VPS13C: variants seen among roughly 807,000 people sequenced by gnomAD.
VPS13C encodes the protein intermembrane lipid transfer protein VPS13C.
VPS13C carries 358 observed loss-of-function variants against 456.8 expected under a neutral mutation model. That is an observed-to-expected ratio of 0.78 (90% CI 0.72 to 0.86). The LOEUF (loss-of-function observed/expected upper bound fraction) is 0.86. Ranked by LOEUF, VPS13C falls within the 40% of genes least tolerant of loss-of-function variation. The pLI is 0.00. For synonymous variants in VPS13C, 1,578 were observed against 1,486.7 expected (o/e 1.06, Z -1.41); for missense variants, 4,818 against 4,385.4 (o/e 1.10, Z -2.79).
chr15:61,967,872 T>C (rs1447054733), intron 28 of VPS13C, among the ~76,000 whole-genome samples: 1 of 152,018 alleles, frequency 6.6e-6, no homozygotes, highest in African/African-American at 2.4e-5. Context: ...ATGTCCTTTA[T>C]ATCCTGAGGT....
At chr15:61,956,281 C>T (rs541471076) in intron 37 of VPS13C, among the ~76,000 whole-genome samples, 83 of 150,172 alleles carry the variant, frequency 5.5e-4, no homozygotes, top group Non-Finnish European at 1.0e-3. Flanking sequence ...ACATTAAGTA[C>T]ACATGGACAC....
At chr15:62,001,015 A>G (rs533368687) in intron 15 of VPS13C, among the ~76,000 whole-genome samples, 13 of 152,314 alleles carry the variant, frequency 8.5e-5, no homozygotes, top group African/African-American at 1.7e-4. Flanking sequence ...TAACGGTGAC[A>G]TTACAAAACA....
At chr15:62,040,863 CAG>C (rs2048218891) in intron 3 of VPS13C, among the ~76,000 whole-genome samples, 1 of 152,078 alleles carries the variant, frequency 6.6e-6, no homozygotes. Context: ...AGTTTAACTG[CAG>C]AGAGACTTTG....
intron 3 of VPS13C, among the ~76,000 whole-genome samples, chr15:62,036,435 T>C (rs2048003262): frequency 6.6e-6 from 1 of 152,128 alleles, no homozygotes; most frequent in Non-Finnish European, 1.5e-5. Flanking sequence ...TGGTATCTAT[T>C]CCCAAGGTTA....
At chr15:62,006,767 T>C (rs1405750993) in intron 15 of VPS13C, among the ~76,000 whole-genome samples, 1 of 152,188 alleles carries the variant, frequency 6.6e-6, no homozygotes, top group Non-Finnish European at 1.5e-5. Context: ...CCAGCACCTG[T>C]TGTTTCCTGA....
intron 61 of VPS13C, among the ~76,000 whole-genome samples, chr15:61,915,068 G>A (rs1024173063): frequency 1.3e-5 from 2 of 151,936 alleles, no homozygotes; most frequent in Non-Finnish European, 2.9e-5. Flanking sequence ...TATCAGGAAC[G>A]ATGAAGAAGA....
chr15:62,010,239 T>C (rs1048559136), intron 13 of VPS13C, among the ~76,000 whole-genome samples: 1 of 152,072 alleles, frequency 6.6e-6, no homozygotes, highest in African/African-American at 2.4e-5. Context: ...GGAAATAATG[T>C]CATTCCCTGC....
chr15:62,014,230 T>C (rs1316875182), intron 9 of VPS13C, among the ~76,000 whole-genome samples: 1 of 152,076 alleles, frequency 6.6e-6, no homozygotes, highest in South Asian at 2.1e-4. Context: ...ACTGGGTTAA[T>C]ATGTATTTGA....
intron 27 of VPS13C, 32 bp from the exon 28 acceptor site, chr15:61,969,484 A>T: frequency 7.0e-7 from 1 of 1,438,048 alleles, no homozygotes; most frequent in Non-Finnish European, 9.3e-7. Context: ...AAAAGTTGAT[A>T]AGAAGTCTGA....
At chr15:62,014,109 C>T (rs1361193446) in intron 9 of VPS13C, 117 bp from the exon 10 acceptor site, 1 of 564,458 alleles carries the variant, frequency 1.8e-6, no homozygotes, top group Non-Finnish European at 3.1e-6. Context: ...TTAATGTTAA[C>T]TAGTATTAGC....
intron 35 of VPS13C, among the ~76,000 whole-genome samples, chr15:61,960,189 A>G (rs2045146506): frequency 6.6e-6 from 1 of 152,216 alleles, no homozygotes; most frequent in Admixed American, 6.5e-5. Flanking sequence ...TGTAAGTTCA[A>G]TCAAACCATG....
intron 1 of VPS13C, among the ~76,000 whole-genome samples, chr15:62,055,956 T>C (rs1159372308): frequency 1.3e-5 from 2 of 152,186 alleles, no homozygotes; most frequent in Non-Finnish European, 2.9e-5. Flanking sequence ...CCAGGGTCTA[T>C]CTGCTACATG....
chr15:61,984,930 G>C lies in VPS13C; in HGVS notation c.1648C>G (p.Pro550Ala). 2 of 1,612,198 alleles carry C rather than the reference G, an allele frequency of 1.2e-6. No homozygotes were observed. Among genetic ancestry groups the C allele is most frequent in the Non-Finnish European group, 1.7e-6 (2 of 1,179,312 alleles). Residue 550 changes from proline (P) to alanine (A), a missense_variant, in exon 19 of 85, where the codon CCA (proline) becomes GCA (alanine). Physicochemically the swap from Pro to Ala is conservative, Grantham distance 27 (BLOSUM62 -1). This residue lies in a region of VPS13C where 4,552 missense variants were observed against 4,130.6 expected (regional missense o/e 1.10). Coordinates refer to ENST00000644861, the MANE Select transcript of VPS13C (RefSeq NM_020821.3). Reference protein sequence around the residue: ...SVTIRENKNIPEILKIQIIGL... With the variant: ...SVTIRENKNIAEILKIQIIGL... Reference sequence around the variant, plus strand: ...ATTATCTGAATTTTTAGTATTTCTGGAATATTCTTGTTTTCTCTTATCGTA... The same window carrying C: ...ATTATCTGAATTTTTAGTATTTCTGCAATATTCTTGTTTTCTCTTATCGTA...
intron 19 of VPS13C, among the ~76,000 whole-genome samples, chr15:61,984,409 T>TAG (rs1265332413): frequency 1.3e-5 from 2 of 152,234 alleles, no homozygotes; most frequent in Non-Finnish European, 2.9e-5. Context: ...GGCCTTCTCC[T>TAG]AGCTCAGTTA....
chr15:61,947,750 A>C (rs1329027638), intron 42 of VPS13C, among the ~76,000 whole-genome samples: 2 of 152,248 alleles, frequency 1.3e-5, no homozygotes, highest in African/African-American at 4.8e-5. Flanking sequence ...CATATTATTT[A>C]CTATGGCACT....
intron 16 of VPS13C, among the ~76,000 whole-genome samples, chr15:61,996,649 AG>A (rs2140439874): frequency 6.6e-6 from 1 of 152,072 alleles, no homozygotes; most frequent in Admixed American, 6.6e-5. Context: ...AATCTTCAAT[AG>A]AGAAATGCAA....
At chr15:62,017,768 G>T (rs2047310998) in intron 9 of VPS13C, among the ~76,000 whole-genome samples, 1 of 152,156 alleles carries the variant, frequency 6.6e-6, no homozygotes, top group African/African-American at 2.4e-5. Context: ...TGGCAATGTG[G>T]GCTCTTTTTT....
intron 50 of VPS13C, 35 bp downstream of exon 50, chr15:61,931,055 T>G (rs1178981329): frequency 6.2e-7 from 1 of 1,612,246 alleles, no homozygotes; most frequent in Non-Finnish European, 8.5e-7. Context: ...AATGTCAACC[T>G]TAAATAATGT....
rs1237959986 is a variant in VPS13C, at chr15:61,853,602, GAA to G, written c.*853_*854del. 6.6e-6 allele frequency: 1 copy of G among 152,100 alleles called. No individual in the cohort carries two copies. Among genetic ancestry groups the G allele is most frequent in the Non-Finnish European group, 1.5e-5 (1 of 68,012 alleles). 9.4% of individuals were successfully genotyped at this position (152,100 alleles called of 1,614,324 possible). On this transcript the variant is annotated 3_prime_UTR_variant, in exon 85 of 85. Transcript: ENST00000644861. Reference sequence around the variant, plus strand: ...GGGAAAAACAGTGTTTTCATGAAAAGAAAATAGAAAACATGTCATTTCTCCCT... The same window carrying G: ...GGGAAAAACAGTGTTTTCATGAAAAGAATAGAAAACATGTCATTTCTCCCT...
Sources: allele counts gnomAD v4.1 joint callset (sites outside exome capture counted in the v4.1 genomes callset), GRCh38; gene constraint gnomAD v4.1.1; regional missense constraint gnomAD v4.1.1; transcripts MANE v1.5; gene names NCBI Gene and HGNC (gene_info 2026-07-23, HGNC 2026-07-21).